EYS: variants seen among roughly 807,000 people sequenced by gnomAD.
EYS encodes protein eyes shut homolog.
Under a neutral mutation model 282.1 loss-of-function variants are expected in EYS, and 250 were observed. The observed-to-expected ratio is 0.89, with a 90% CI of 0.80 to 0.98. The LOEUF (loss-of-function observed/expected upper bound fraction) is 0.98, where lower values mean the gene tolerates loss of function less well. Among genes scored for constraint, EYS ranks in the 50% least tolerant of loss-of-function variants. The pLI is 0.00. For synonymous variants in EYS, 1,355 were observed against 1,282.9 expected (o/e 1.06, Z -1.20); for missense variants, 4,016 against 3,709.0 (o/e 1.08, Z -2.15).
At chr6:65,667,016 T>C (rs1400403855) in intron 1 of EYS, among the ~76,000 whole-genome samples, 1 of 151,594 alleles carries the variant, frequency 6.6e-6, no homozygotes, top group Non-Finnish European at 1.5e-5. Context: ...TGCCTGGAGA[T>C]GGTAAGTTCT....
chr6:64,864,382 C>CATTTTTTTTTTTTTTTTTTTTT (rs1766347000), intron 19 of EYS, among the ~76,000 whole-genome samples: 1 of 40,082 alleles, frequency 2.5e-5, no homozygotes, highest in Admixed American at 3.5e-4. Flanking sequence ...GGTGCTATAC[C>CATTTTTTTTTTTTTTTTTTTTT]TTCTTTTTTT....
intron 12 of EYS, among the ~76,000 whole-genome samples, chr6:65,189,144 A>C (rs897154414): frequency 1.3e-5 from 2 of 151,582 alleles, no homozygotes; most frequent in African/African-American, 4.8e-5. Flanking sequence ...GTAATGTGAA[A>C]ATTTTTTAAA....
chr6:65,140,934 C>A (rs368604422), intron 12 of EYS, among the ~76,000 whole-genome samples: 1 of 150,340 alleles, frequency 6.7e-6, no homozygotes, highest in Non-Finnish European at 1.5e-5. Flanking sequence ...GTCAGTGTGG[C>A]GATTCCTCAG....
intron 26 of EYS, among the ~76,000 whole-genome samples, chr6:64,563,881 A>C (rs1320307392): frequency 6.6e-6 from 1 of 151,994 alleles, no homozygotes; most frequent in Non-Finnish European, 1.5e-5. Flanking sequence ...GAAAACCAAA[A>C]ATATCTACCA....
intron 14 of EYS, among the ~76,000 whole-genome samples, chr6:64,947,657 T>A (rs867594891): frequency 6.6e-6 from 1 of 151,002 alleles, no homozygotes; most frequent in Non-Finnish European, 1.5e-5. Context: ...TTTTTTCTTT[T>A]TTTTTTTTTT....
chr6:63,926,343 A>G (rs2149747257), intron 35 of EYS, among the ~76,000 whole-genome samples: 1 of 152,362 alleles, frequency 6.6e-6, no homozygotes, highest in African/African-American at 2.4e-5. Flanking sequence ...ATAATGGTCT[A>G]GCAGGAAGGG....
At chr6:63,984,266 C>T in intron 35 of EYS, 117 bp downstream of exon 35, 2 of 710,462 alleles carry the variant, frequency 2.8e-6, no homozygotes, top group East Asian at 5.4e-5. Context: ...CATAGAAAAA[C>T]TTGAGAATTC....
intron 26 of EYS, among the ~76,000 whole-genome samples, chr6:64,445,854 G>T (rs1250285174): frequency 6.6e-6 from 1 of 152,030 alleles, no homozygotes; most frequent in Non-Finnish European, 1.5e-5. Context: ...ATGAGGACGG[G>T]CTCAGCTCCC....
At chr6:64,965,379 A>G (rs1244645699) in intron 14 of EYS, among the ~76,000 whole-genome samples, 1 of 151,832 alleles carries the variant, frequency 6.6e-6, no homozygotes, top group African/African-American at 2.4e-5. Context: ...TTTTTGTCCA[A>G]TATATTATAT....
chr6:65,416,647 A>T (rs967334389), intron 5 of EYS, among the ~76,000 whole-genome samples: 1 of 151,976 alleles, frequency 6.6e-6, no homozygotes, highest in Non-Finnish European at 1.5e-5. Flanking sequence ...AATTTCAGTA[A>T]ATTCTTTTGG....
intron 11 of EYS, among the ~76,000 whole-genome samples, chr6:65,333,740 T>A (rs985985063): frequency 6.6e-6 from 1 of 151,628 alleles, no homozygotes; most frequent in Non-Finnish European, 1.5e-5. Flanking sequence ...CATATATATA[T>A]ACACACACAT....
At chr6:65,147,110 A>G (rs1408204928) in intron 12 of EYS, among the ~76,000 whole-genome samples, 1 of 151,966 alleles carries the variant, frequency 6.6e-6, no homozygotes, top group African/African-American at 2.4e-5. Flanking sequence ...ATTTTTGGTA[A>G]AAATTGATTA....
At chr6:64,479,586 T>C (rs1776374456) in intron 26 of EYS, among the ~76,000 whole-genome samples, 1 of 151,948 alleles carries the variant, frequency 6.6e-6, no homozygotes, top group Non-Finnish European at 1.5e-5. Flanking sequence ...TCTCCAAATA[T>C]GAGGCCACTT....
chr6:64,050,327 A>G (rs1181902813), intron 33 of EYS, among the ~76,000 whole-genome samples: 1 of 152,110 alleles, frequency 6.6e-6, no homozygotes, highest in African/African-American at 2.4e-5. Flanking sequence ...ACATTTTTCA[A>G]AATGACTAAC....
intron 2 of EYS, among the ~76,000 whole-genome samples, chr6:65,524,896 T>C (rs1032206497): frequency 1.6e-4 from 24 of 152,168 alleles, no homozygotes; most frequent in Admixed American, 1.6e-3. Flanking sequence ...CTGATCACCT[T>C]TGAGTGTCAT....
At chr6:64,001,795 T>A (rs111557473) in intron 33 of EYS, among the ~76,000 whole-genome samples, 2 of 152,150 alleles carry the variant, frequency 1.3e-5, no homozygotes, top group Non-Finnish European at 2.9e-5. Context: ...TTAATAAAAA[T>A]ATGCATAGGA....
Position 64,679,877 on chromosome 6 carries a change from T to C in EYS, c.3444-53632A>G, listed in dbSNP as rs573422225. On this transcript the variant is annotated intron_variant, in intron 22 of 42. Coordinates refer to ENST00000503581, the MANE Select transcript of EYS (RefSeq NM_001142800.2). Reference sequence around the variant, plus strand: ...TTTTATTCTACCAGAACTCTTTTTATATCCTAGAGATTAGCTCTTTGTCTT... The same window carrying C: ...TTTTATTCTACCAGAACTCTTTTTACATCCTAGAGATTAGCTCTTTGTCTT... Among the ~76,000 whole-genome samples, 3 of 152,326 alleles carry C rather than the reference T, an allele frequency of 2.0e-5. No individual in the cohort carries two copies. In the East Asian group the frequency reaches 5.8e-4, roughly 29 times the overall value.
intron 13 of EYS, among the ~76,000 whole-genome samples, chr6:65,035,195 C>A (rs1222308004): frequency 6.6e-6 from 1 of 152,144 alleles, no homozygotes; most frequent in African/African-American, 2.4e-5. Context: ...ACACACTAGG[C>A]AATGAAGGAA....
intron 21 of EYS, among the ~76,000 whole-genome samples, chr6:64,817,734 T>C (rs1480354169): frequency 6.6e-6 from 1 of 152,160 alleles, no homozygotes; most frequent in Non-Finnish European, 1.5e-5. Flanking sequence ...TTAATTACCT[T>C]AGTTTTATGG....
Sources: gnomAD v4.1 joint callset for allele counts (sites outside exome capture counted in the v4.1 genomes callset) on GRCh38, gnomAD v4.1.1 for gene constraint, MANE v1.5 for transcripts, NCBI Gene and HGNC (gene_info 2026-07-23, HGNC 2026-07-21) for gene names.